Variants in NDST1 observed in about 807,000 individuals in gnomAD.
NDST1 encodes N-deacetylase and N-sulfotransferase 1.
In NDST1, 35 loss-of-function variants were observed where a neutral mutation model predicts 92.8. The ratio of observed to expected loss-of-function variants is 0.38; its 90% confidence interval spans 0.29 to 0.50. NDST1 has a LOEUF of 0.50. Ranked by LOEUF, NDST1 falls within the 20% of genes least tolerant of loss-of-function variation. The pLI is 0.94. For missense variants in NDST1, 822 were observed against 1,182.7 expected (o/e 0.69, Z 4.47); for synonymous variants, 493 against 500.3 (o/e 0.99, Z 0.19).
intron 1 of NDST1, among the ~76,000 whole-genome samples, chr5:150,499,011 A>G (rs1242011099): frequency 6.6e-6 from 1 of 152,232 alleles, no homozygotes; most frequent in African/African-American, 2.4e-5. Flanking sequence ...CTTCCCCAGA[A>G]GAGCCTTCTC....
intron 10 of NDST1, among the ~76,000 whole-genome samples, chr5:150,544,908 A>G (rs1457419637): frequency 2.6e-5 from 4 of 152,162 alleles, no homozygotes; most frequent in Non-Finnish European, 2.9e-5. Flanking sequence ...TCCCTGGGGC[A>G]GTCCTGGAGC....
intron 14 of NDST1, among the ~76,000 whole-genome samples, chr5:150,552,176 G>A (rs1454217711): frequency 1.3e-5 from 2 of 152,148 alleles, no homozygotes; most frequent in East Asian, 1.9e-4. Flanking sequence ...TAGAATACAG[G>A]CAGAGAGTGC....
chr5:150,516,622 T>G (rs773622762), intron 1 of NDST1, among the ~76,000 whole-genome samples: 5 of 152,140 alleles, frequency 3.3e-5, no homozygotes, highest in Non-Finnish European at 7.4e-5. Context: ...GGACTTTAGG[T>G]CTGTGGATGG....
At chr5:150,527,656 G>A in intron 2 of NDST1, 148 bp from the exon 3 acceptor site, 1 of 1,105,848 alleles carries the variant, frequency 9.0e-7, no homozygotes, top group Non-Finnish European at 1.3e-6. Flanking sequence ...TTATTGTGCA[G>A]GGTGGAGCGC....
At chr5:150,516,277 C>T (rs947470147) in intron 1 of NDST1, among the ~76,000 whole-genome samples, 11 of 152,188 alleles carry the variant, frequency 7.2e-5, no homozygotes, top group Admixed American at 3.9e-4. Flanking sequence ...CTGTCAGACT[C>T]TCAAGAGAGG....
intron 1 of NDST1, among the ~76,000 whole-genome samples, chr5:150,500,611 A>G (rs1336443786): frequency 1.3e-5 from 2 of 152,220 alleles, no homozygotes; most frequent in Non-Finnish European, 2.9e-5. Flanking sequence ...GGAACAGGTC[A>G]GGAGAGGAGG....
chr5:150,554,223 C>T lies in NDST1; in HGVS notation c.*891C>T, dbSNP rs377492523. 2.5e-6 allele frequency: 1 copy of T among 397,944 alleles called. No homozygotes were observed. The highest frequency in any genetic ancestry group is 2.1e-5 in the African/African-American group (1 of 48,568). 24.7% of individuals were successfully genotyped at this position (397,944 alleles called of 1,614,324 possible). The stretch of plus-strand genomic sequence containing the variant: ...GCTTAGCCACCTGTGGCCGAGGGCT[C>T]TCAGAGACCCCCTTAACCTCCCAAA... On this transcript the variant is annotated 3_prime_UTR_variant, in exon 15 of 15. Transcript: ENST00000261797.
At chr5:150,538,882 G>A (rs1755111391) in intron 6 of NDST1, among the ~76,000 whole-genome samples, 1 of 152,228 alleles carries the variant, frequency 6.6e-6, no homozygotes, top group African/African-American at 2.4e-5. Flanking sequence ...AGGTTCTAAT[G>A]TTGCAAGGGG....
chr5:150,514,836 A>G (rs1753888232), intron 1 of NDST1, among the ~76,000 whole-genome samples: 1 of 152,198 alleles, frequency 6.6e-6, no homozygotes, highest in Non-Finnish European at 1.5e-5. Context: ...TCATTCATTC[A>G]TATCCTGAGT....
chr5:150,521,252 A>C lies in NDST1; in HGVS notation c.-3A>C. 1 of 1,604,638 alleles carries C rather than the reference A, an allele frequency of 6.2e-7. No homozygotes were observed. The highest frequency in any genetic ancestry group is 1.1e-5 in the South Asian group (1 of 91,014). ...TCCGGTGGCCAAGGTCTCGGAGGCC[A>C]GGATGCCTGCCCTGGCATGCCTCCG... On this transcript the variant is annotated 5_prime_UTR_variant, in exon 2 of 15. Transcript: ENST00000261797. This position sits in a 1 kb window ranked among gnomAD's most constrained non-coding sequence, Gnocchi z 5.9.
At position 150,555,016 on chromosome 5, in the gene NDST1, C is replaced by G. The variant is rs1185669742; in HGVS notation, c.*1684C>G. The G allele has an allele frequency of 6.5e-6, 1 of 152,690 alleles. No individual in the cohort carries two copies. Among genetic ancestry groups the G allele is most frequent in the Admixed American group, 6.5e-5 (1 of 15,278 alleles). 9.5% of individuals were successfully genotyped at this position (152,690 alleles called of 1,614,324 possible). On this transcript the variant is annotated 3_prime_UTR_variant, in exon 15 of 15. Coordinates refer to ENST00000261797, the MANE Select transcript of NDST1 (RefSeq NM_001543.5). ...ATCTTGGGGCTGGAAGGTCCTTTGA[C>G]GGGTATGAAACAGGTCCAGAAAGGG...
intron 14 of NDST1, among the ~76,000 whole-genome samples, chr5:150,552,967 C>G (rs759769211): frequency 6.6e-6 from 1 of 152,194 alleles, no homozygotes. Context: ...TTGCCTCAGA[C>G]TCCCGAGTAG....
rs1419063113 is a variant in NDST1, at chr5:150,558,207, T to C, written c.*4875T>C. 6.6e-6 allele frequency: 1 copy of C among 152,656 alleles called. No individual in the cohort carries two copies. Among genetic ancestry groups the C allele is most frequent in the African/African-American group, 2.4e-5 (1 of 41,434 alleles). 9.5% of individuals were successfully genotyped at this position (152,656 alleles called of 1,614,324 possible). A position where few individuals can be genotyped will look rare whatever the true frequency, so the allele number is the denominator to read the frequency against. ...AACTGCTAATAAAGTGGGGTTCTGT[T>C]TGTACACCTTGGTCCTGTCTGACCT... On this transcript the variant is annotated 3_prime_UTR_variant, in exon 15 of 15. Coordinates refer to ENST00000261797, the MANE Select transcript of NDST1 (RefSeq NM_001543.5).
intron 1 of NDST1, among the ~76,000 whole-genome samples, chr5:150,515,578 A>G (rs1001383825): frequency 1.3e-5 from 2 of 152,138 alleles, no homozygotes; most frequent in Non-Finnish European, 2.9e-5. Flanking sequence ...AAGTGTCCCA[A>G]GGGGTCCGGG....
Position 150,531,640 on chromosome 5 carries a change from C to T in NDST1, c.1009-1305C>T, listed in dbSNP as rs986305772. 6.6e-5 allele frequency among the ~76,000 whole-genome samples: 10 copies of T among 151,622 alleles called. No homozygotes were observed. In the East Asian group the frequency reaches 1.4e-3, roughly 21 times the overall value. On this transcript the variant is annotated intron_variant, in intron 3 of 14. Coordinates refer to ENST00000261797, the MANE Select transcript of NDST1 (RefSeq NM_001543.5). The stretch of plus-strand genomic sequence containing the variant: ...TCAGCCTCCCGAATAGCTGGGATTA[C>T]AGGCGCCTGCCACCACACCTGGCTA...
chr5:150,545,991 CTTT>C (rs34937690), intron 11 of NDST1, among the ~76,000 whole-genome samples: 4 of 83,690 alleles, frequency 4.8e-5, no homozygotes, highest in African/African-American at 9.2e-5. Context: ...CCAGAGCTGT[CTTT>C]TTTTTTTTTT....
intron 1 of NDST1, among the ~76,000 whole-genome samples, chr5:150,499,566 C>T (rs1753142808): frequency 6.6e-6 from 1 of 152,200 alleles, no homozygotes; most frequent in South Asian, 2.1e-4. Flanking sequence ...GGACGGTTTC[C>T]CCAGTAGGAG....
upstream of NDST1, among the ~76,000 whole-genome samples, chr5:150,503,542 A>G (rs113235719): frequency 2.0e-5 from 3 of 152,220 alleles, no homozygotes; most frequent in African/African-American, 7.2e-5. Flanking sequence ...TGACCCATGC[A>G]GGCAGGCAGG....
intron 1 of NDST1, among the ~76,000 whole-genome samples, chr5:150,509,258 C>T (rs980448754): frequency 7.2e-5 from 11 of 152,182 alleles, no homozygotes; most frequent in Non-Finnish European, 1.3e-4. Flanking sequence ...ACCCACATTT[C>T]CCAGCTCCTC....
Sources: gnomAD v4.1 joint callset for allele counts (sites outside exome capture counted in the v4.1 genomes callset) on GRCh38, gnomAD v4.1.1 for gene constraint, Gnocchi (gnomAD v3.1) non-coding constraint, MANE v1.5 for transcripts, NCBI Gene and HGNC (gene_info 2026-07-23, HGNC 2026-07-21) for gene names.